UCHL5: variants seen among roughly 807,000 people sequenced by gnomAD.
UCHL5 encodes the protein ubiquitin carboxyl-terminal hydrolase isozyme L5.
Under a neutral mutation model 53.8 loss-of-function variants are expected in UCHL5, and 34 were observed. The ratio of observed to expected loss-of-function variants is 0.63; its 90% CI spans 0.48 to 0.84. UCHL5 has a LOEUF of 0.84. Among genes scored for constraint, UCHL5 ranks in the 40% least tolerant of loss-of-function variants. The pLI is 0.00. For synonymous variants in UCHL5, 111 were observed against 126.3 expected, an observed-to-expected ratio of 0.88 and a Z score of 0.81; for missense variants, 290 against 385.6, an observed-to-expected ratio of 0.75 and a Z score of 2.08.
At chr1:193,027,403 A>G (rs1659681987) in intron 7 of UCHL5, among the ~76,000 whole-genome samples, 1 of 152,144 alleles carries the variant, frequency 6.6e-6, no homozygotes, top group Admixed American at 6.6e-5. Context: ...CAAAATACCT[A>G]GCCGGGTGCA....
chr1:193,051,023 A>G (rs565300089), intron 2 of UCHL5, among the ~76,000 whole-genome samples: 1 of 152,334 alleles, frequency 6.6e-6, no homozygotes, highest in Admixed American at 6.5e-5. Context: ...CTCTTTTTAC[A>G]GGGAAGAGAA....
At position 193,041,582 on chromosome 1, in the gene UCHL5, G is replaced by T. The variant is rs77281906; in HGVS notation, c.246+8164C>A. On this transcript the variant is annotated intron_variant, in intron 3 of 10. Transcript: ENST00000367454. ...AAACGTTTGGATATTTCCTTCAAAA[G>T]TTGCACATTTACATATTAGATGAAA... is the stretch of plus-strand genomic sequence containing the variant. 1.3e-3 allele frequency among the ~76,000 whole-genome samples: 194 copies of T among 152,260 alleles called. 1 individual carries two copies. Among genetic ancestry groups the T allele is most frequent in the African/African-American group, 4.5e-3 (188 of 41,546 alleles).
At chr1:193,036,595 A>G (rs564886454) in intron 3 of UCHL5, among the ~76,000 whole-genome samples, 1 of 152,038 alleles carries the variant, frequency 6.6e-6, no homozygotes, top group Non-Finnish European at 1.5e-5. Context: ...ACAAAGAAAC[A>G]TCAGAGGTTA....
chr1:193,059,758 G>A (rs371900922), upstream of UCHL5: 423 of 1,356,084 alleles, frequency 3.1e-4, no homozygotes, highest in Non-Finnish European at 3.9e-4. This position sits in a 1 kb window ranked among gnomAD's most constrained non-coding sequence, Gnocchi z 4.9. Flanking sequence ...GGATCCAGGG[G>A]GTCGGCTGCC....
At chr1:193,028,266 A>C in intron 6 of UCHL5, 118 bp from the exon 7 acceptor site, 2 of 797,052 alleles carry the variant, frequency 2.5e-6, no homozygotes, top group South Asian at 4.8e-5. Flanking sequence ...TAGAGCAGTA[A>C]AACTCTTTTT....
intron 2 of UCHL5, among the ~76,000 whole-genome samples, chr1:193,050,931 T>A (rs1288211415): frequency 6.6e-6 from 1 of 152,146 alleles, no homozygotes; most frequent in African/African-American, 2.4e-5. Flanking sequence ...TCCCATTTTT[T>A]AAAGACAGTT....
At chr1:193,042,958 T>A (rs78569844) in intron 3 of UCHL5, among the ~76,000 whole-genome samples, 1 of 151,924 alleles carries the variant, frequency 6.6e-6, no homozygotes, top group Non-Finnish European at 1.5e-5. Flanking sequence ...GAGACAAGCA[T>A]ACATGTGACA....
intron 3 of UCHL5, among the ~76,000 whole-genome samples, chr1:193,041,871 C>T (rs1218441950): frequency 6.6e-6 from 1 of 151,896 alleles, no homozygotes; most frequent in Non-Finnish European, 1.5e-5. Context: ...ATCTGTAATC[C>T]CAGCACTTTG....
chr1:193,035,828 A>T (rs1017881706), intron 3 of UCHL5, among the ~76,000 whole-genome samples: 3 of 152,130 alleles, frequency 2.0e-5, no homozygotes, highest in South Asian at 2.1e-4. Context: ...TATATTGACA[A>T]AACACAAAGT....
At chr1:193,034,550 T>C (rs1316454084) in intron 3 of UCHL5, among the ~76,000 whole-genome samples, 2 of 152,052 alleles carry the variant, frequency 1.3e-5, no homozygotes, top group Admixed American at 6.5e-5. Context: ...TTTACACAAA[T>C]TGTTCAAGGC....
chr1:193,033,490 A>C (rs1459746833), intron 3 of UCHL5, among the ~76,000 whole-genome samples: 1 of 152,124 alleles, frequency 6.6e-6, no homozygotes, highest in Non-Finnish European at 1.5e-5. Flanking sequence ...ACAAACCTGC[A>C]CATTCTGCAC....
At chr1:193,050,881 T>G (rs977931238) in intron 2 of UCHL5, among the ~76,000 whole-genome samples, 2 of 152,192 alleles carry the variant, frequency 1.3e-5, no homozygotes, top group African/African-American at 4.8e-5. Context: ...CTCAGCCTCC[T>G]GAGTAGCTAC....
intron 1 of UCHL5, among the ~76,000 whole-genome samples, chr1:193,058,469 T>C (rs940734883): frequency 5.3e-5 from 8 of 152,070 alleles, no homozygotes; most frequent in Non-Finnish European, 1.2e-4. Flanking sequence ...TAGGGAAGGA[T>C]AAAAAGTAAA....
At chr1:193,022,453 A>G (rs1467014124) in intron 9 of UCHL5, among the ~76,000 whole-genome samples, 1 of 152,136 alleles carries the variant, frequency 6.6e-6, no homozygotes, top group Non-Finnish European at 1.5e-5. Flanking sequence ...TGAGGTCAGG[A>G]GTTCAAGATC....
rs746514604 is a variant in UCHL5 at position 193,029,297 on chromosome 1, A to T, written c.447T>A (p.Phe149Leu). Residue 149 changes from phenylalanine (F) to leucine (L), a missense_variant, in exon 6 of 11, where the codon TTT becomes TTA. By Grantham distance (22) the Phe-to-Leu change is conservative. Transcript: ENST00000367454. Reference protein sequence around the residue: ...VHNSFARQQMFEFDTKTSAKE... With the variant: ...VHNSFARQQMLEFDTKTSAKE... ...TTGCTGATGTCTTCGTATCAAATTC[A>T]AACATTTGCTGTCTACAGTAAATAA... The T allele has an allele frequency of 1.2e-6, 2 of 1,613,790 alleles. No individual in the cohort carries two copies. The highest frequency in any genetic ancestry group is 2.2e-5 in the South Asian group (2 of 91,076).
rs1010174152 is a variant in UCHL5 at position 193,028,092 on chromosome 1, T to C, written c.622A>G (p.Ile208Val). The C allele has an allele frequency of 1.9e-6, 3 of 1,605,214 alleles. No individual in the cohort carries two copies. Among genetic ancestry groups the C allele is most frequent in the Non-Finnish European group, 2.5e-6 (3 of 1,177,944 alleles). ...GATTAGCTGAGCATTTACTTTTGTA[T>C]CCTTTTTTCTATGACAGGCCTTACT... Reference protein sequence around the residue: ...SAVRPVIEKRIQKYSEGEIRF... With the variant: ...SAVRPVIEKRVQKYSEGEIRF... The change falls in exon 7 of 11, where the codon ATA becomes GTA. Residue 208 changes from isoleucine to valine, a missense_variant. Transcript: ENST00000367454.
At chr1:193,025,697 C>A (rs1658933817) in intron 7 of UCHL5, among the ~76,000 whole-genome samples, 1 of 152,150 alleles carries the variant, frequency 6.6e-6, no homozygotes, top group African/African-American at 2.4e-5. Flanking sequence ...GTGGCACCCA[C>A]AATTTACATT....
chr1:193,032,186 A>C (rs1661685093), intron 3 of UCHL5, among the ~76,000 whole-genome samples: 1 of 152,178 alleles, frequency 6.6e-6, no homozygotes, highest in South Asian at 2.1e-4. Flanking sequence ...GCTTATACAA[A>C]AGAAGAGTAG....
At chr1:193,050,049 A>G (rs963348835) in intron 2 of UCHL5, among the ~76,000 whole-genome samples, 198 bp from the exon 3 acceptor site, 1 of 152,238 alleles carries the variant, frequency 6.6e-6, no homozygotes, top group Non-Finnish European at 1.5e-5. Flanking sequence ...TTAAAATTAT[A>G]TCAGTTAAAA....
Sources: gnomAD v4.1 joint callset for allele counts (sites outside exome capture counted in the v4.1 genomes callset) on GRCh38, gnomAD v4.1.1 for gene constraint, Gnocchi (gnomAD v3.1) non-coding constraint, MANE v1.5 for transcripts, NCBI Gene and HGNC (gene_info 2026-07-23, HGNC 2026-07-21) for gene names.